Variants in TTC28 observed in about 807,000 individuals in gnomAD.
TTC28 encodes the protein tetratricopeptide repeat domain 28, also known as tetratricopeptide repeat protein 28.
Under a neutral mutation model 198.0 loss-of-function variants are expected in TTC28, and 61 were observed. The ratio of observed to expected loss-of-function variants is 0.31; its 90% CI spans 0.25 to 0.38. The LOEUF is 0.38. Ranked by LOEUF, TTC28 falls within the 10% of genes least tolerant of loss-of-function variation. TTC28 has a pLI of 1.00. For synonymous variants in TTC28, 1,171 were observed against 1,297.8 expected, an observed-to-expected ratio of 0.90 and a Z score of 2.10; for missense variants, 2,678 against 3,164.0, an observed-to-expected ratio of 0.85 and a Z score of 3.69.
chr22:28,140,089 T>C (rs533153812), intron 6 of TTC28, among the ~76,000 whole-genome samples: 1 of 152,218 alleles, frequency 6.6e-6, no homozygotes, highest in East Asian at 1.9e-4. Flanking sequence ...GATGTGTGAG[T>C]TCCTCCCCCA....
chr22:28,370,715 G>T (rs1239598958), intron 2 of TTC28, among the ~76,000 whole-genome samples: 1 of 152,188 alleles, frequency 6.6e-6, no homozygotes, highest in Non-Finnish European at 1.5e-5. Flanking sequence ...GAGTAGTAGA[G>T]AGAGAGACAG....
intron 2 of TTC28, among the ~76,000 whole-genome samples, chr22:28,573,843 C>T (rs1344648288): frequency 6.6e-6 from 1 of 151,782 alleles, no homozygotes. Flanking sequence ...CCACTTCCCC[C>T]CACCCCCACT....
intron 5 of TTC28, among the ~76,000 whole-genome samples, chr22:28,244,046 T>C (rs1262568439): frequency 2.0e-5 from 3 of 152,206 alleles, no homozygotes; most frequent in African/African-American, 7.2e-5. Flanking sequence ...AAGATGTCAC[T>C]GATTATTAGA....
At chr22:28,191,133 T>G (rs1449283480) in intron 5 of TTC28, among the ~76,000 whole-genome samples, 1 of 152,222 alleles carries the variant, frequency 6.6e-6, no homozygotes, top group Non-Finnish European at 1.5e-5. Context: ...CCTCATTTCC[T>G]GCTTCTAGGC....
At chr22:28,144,802 G>T (rs1943425985) in intron 6 of TTC28, among the ~76,000 whole-genome samples, 1 of 152,214 alleles carries the variant, frequency 6.6e-6, no homozygotes, top group Admixed American at 6.5e-5. Flanking sequence ...AGACAGACAA[G>T]CAAGCTGACT....
At chr22:28,660,414 C>T (rs1381490400) in intron 1 of TTC28, among the ~76,000 whole-genome samples, 1 of 152,202 alleles carries the variant, frequency 6.6e-6, no homozygotes, top group Non-Finnish European at 1.5e-5. Flanking sequence ...CAACCTCTGC[C>T]TCCCAGGTTC....
In TTC28 at chr22:28,539,960, T is replaced by C. The variant is rs1015448631; in HGVS notation, c.381+89592A>G. On this transcript the variant is annotated intron_variant, in intron 2 of 22. Transcript: ENST00000397906. ...AGCTTTTTTTTTTTTTTTTTTTTTT[T>C]CTGAGACAGGGTCTCACTCTGTCGC... Among the ~76,000 whole-genome samples the C allele has an allele frequency of 2.2e-3, 272 of 123,988 alleles. 1 individual carries two copies. The highest frequency in any genetic ancestry group is 7.1e-3 in the African/African-American group (242 of 34,310). The allele number at this position is 123,988 out of a possible 152,430, so 81.3% of individuals were successfully genotyped here. A position where few individuals can be genotyped will look rare whatever the true frequency, so the allele number is the denominator to read the frequency against.
At chr22:28,091,376 G>A (rs1941808520) in intron 12 of TTC28, among the ~76,000 whole-genome samples, 1 of 152,204 alleles carries the variant, frequency 6.6e-6, no homozygotes, top group Non-Finnish European at 1.5e-5. Flanking sequence ...CATACAGGCT[G>A]AGCCCCATGA....
intron 12 of TTC28, among the ~76,000 whole-genome samples, chr22:28,048,716 C>G (rs1480368794): frequency 6.6e-6 from 1 of 152,024 alleles, no homozygotes; most frequent in Non-Finnish European, 1.5e-5. Context: ...GCTTTCAAAT[C>G]TTATCTCCCA....
chr22:28,249,317 T>C (rs1303166248), intron 5 of TTC28, among the ~76,000 whole-genome samples: 3 of 152,144 alleles, frequency 2.0e-5, no homozygotes, highest in African/African-American at 4.8e-5. Flanking sequence ...TATTTCAGTA[T>C]CTGGCACGCA....
intron 2 of TTC28, among the ~76,000 whole-genome samples, chr22:28,409,973 G>A (rs1601357525): frequency 6.6e-6 from 1 of 151,680 alleles, no homozygotes; most frequent in East Asian, 1.9e-4. Context: ...CCAGGCTGGA[G>A]TGCAGCAGCA....
At chr22:28,599,995 A>G (rs1408360496) in intron 2 of TTC28, among the ~76,000 whole-genome samples, 1 of 152,224 alleles carries the variant, frequency 6.6e-6, no homozygotes, top group Non-Finnish European at 1.5e-5. Context: ...AAGGTTTACA[A>G]TGTGCTAGGC....
intron 2 of TTC28, among the ~76,000 whole-genome samples, chr22:28,412,354 C>T (rs1253926603): frequency 1.3e-5 from 2 of 150,978 alleles, no homozygotes; most frequent in East Asian, 2.0e-4. Context: ...CACTATGTGG[C>T]GGGGGGCGGG....
intron 2 of TTC28, among the ~76,000 whole-genome samples, chr22:28,529,764 G>A (rs2049091271): frequency 6.6e-6 from 1 of 152,196 alleles, no homozygotes; most frequent in South Asian, 2.1e-4. Flanking sequence ...CTGTTCTGCA[G>A]CCTCTCCTGG....
intron 5 of TTC28, among the ~76,000 whole-genome samples, chr22:28,260,796 G>C (rs1256424762): frequency 2.6e-5 from 4 of 152,124 alleles, no homozygotes; most frequent in Non-Finnish European, 5.9e-5. Flanking sequence ...TTCAGCTCTA[G>C]ACTAATGGGT....
At chr22:28,314,247 T>C (rs1280940163) in intron 2 of TTC28, among the ~76,000 whole-genome samples, 2 of 152,312 alleles carry the variant, frequency 1.3e-5, no homozygotes, top group South Asian at 2.1e-4. Context: ...TCCATGCTCA[T>C]GGATAGGAAG....
At chr22:28,371,504 T>A (rs2046331436) in intron 2 of TTC28, among the ~76,000 whole-genome samples, 1 of 886 alleles carries the variant, frequency 1.1e-3, no homozygotes, top group Admixed American at 0.018. Context: ...AGTGAGACCC[T>A]GTCTCAAAAA....
intron 5 of TTC28, among the ~76,000 whole-genome samples, chr22:28,182,355 G>A (rs1034547062): frequency 6.6e-6 from 1 of 152,176 alleles, no homozygotes; most frequent in African/African-American, 2.4e-5. Context: ...GGGTTGGAAT[G>A]TAGTCGATCA....
intron 1 of TTC28, among the ~76,000 whole-genome samples, chr22:28,649,606 T>C (rs992633095): frequency 3.3e-5 from 5 of 152,156 alleles, no homozygotes; most frequent in African/African-American, 1.2e-4. Flanking sequence ...CAAAACATAA[T>C]TGTGATATTC....
Sources: gnomAD v4.1 joint callset for allele counts (sites outside exome capture counted in the v4.1 genomes callset) on GRCh38, gnomAD v4.1.1 for gene constraint, MANE v1.5 for transcripts, NCBI Gene and HGNC (gene_info 2026-07-23, HGNC 2026-07-21) for gene names.